The following CLEC4A variants were observed in gnomAD, a reference collection of about 807,000 sequenced individuals.
The protein encoded by CLEC4A is C-type lectin domain family 4 member A.
CLEC4A carries 27 observed loss-of-function variants against 32.7 expected under a neutral mutation model. That is an observed-to-expected ratio of 0.83 (90% CI 0.61 to 1.14). CLEC4A has a LOEUF of 1.14. Among genes scored for constraint, CLEC4A ranks in the 50% most tolerant of loss-of-function variants. CLEC4A has a pLI of 0.00. For missense variants in CLEC4A, 253 were observed against 274.6 expected (o/e 0.92, Z 0.55); for synonymous variants, 89 against 93.7 (o/e 0.95, Z 0.29).
chr12:8,112,962 A>T, the CLEC4A span, among the ~76,000 whole-genome samples: 1 of 151,378 alleles, frequency 6.6e-6, no homozygotes, highest in Non-Finnish European at 1.5e-5. Flanking sequence ...TCCATTGTCC[A>T]TTTTTTTTTA....
intron 3 of CLEC4A, among the ~76,000 whole-genome samples, chr12:8,129,771 G>A (rs1352937495): frequency 2.0e-5 from 3 of 152,130 alleles, no homozygotes; most frequent in Admixed American, 6.5e-5. Context: ...ACCTGGCGAC[G>A]GAGCAAGATT....
At chr12:8,127,251 G>A (rs756070240) in intron 2 of CLEC4A, among the ~76,000 whole-genome samples, 1 of 152,284 alleles carries the variant, frequency 6.6e-6, no homozygotes, top group East Asian at 1.9e-4. Flanking sequence ...ATTCATCAGG[G>A]TAGCCTGGGT....
At chr12:8,107,009 T>A in the CLEC4A span, among the ~76,000 whole-genome samples, 1,254 of 152,314 alleles carry the variant, frequency 8.2e-3, 15 homozygotes, top group African/African-American at 0.029. Context: ...TGGCTGTGGG[T>A]CTGTCATAGA....
chr12:8,112,211 G>A, the CLEC4A span, among the ~76,000 whole-genome samples: 1 of 151,922 alleles, frequency 6.6e-6, no homozygotes, highest in Non-Finnish European at 1.5e-5. Flanking sequence ...CAGGTGATCC[G>A]CCCAGCTTGG....
At chr12:8,120,254 A>G (rs1224586447), upstream of CLEC4A, among the ~76,000 whole-genome samples, 1 of 152,210 alleles carries the variant, frequency 6.6e-6, no homozygotes, top group Admixed American at 6.5e-5. Flanking sequence ...AACATGGCTC[A>G]GGGCTTCAAT....
At chr12:8,131,831 T>TATATATATATATAG in intron 3 of CLEC4A, among the ~76,000 whole-genome samples, 1 of 150,584 alleles carries the variant, frequency 6.6e-6, no homozygotes. Context: ...TATCTATATA[T>TATATATATATATAG]ATATATATCT....
At chr12:8,132,878 T>A (rs1459417606) in intron 3 of CLEC4A, among the ~76,000 whole-genome samples, 1 of 152,128 alleles carries the variant, frequency 6.6e-6, no homozygotes, top group Non-Finnish European at 1.5e-5. Flanking sequence ...TCTAGTTTTT[T>A]TGTTTCTTTG....
chr12:8,114,641 C>T, the CLEC4A span, among the ~76,000 whole-genome samples: 5 of 152,184 alleles, frequency 3.3e-5, no homozygotes, highest in Admixed American at 2.6e-4. Context: ...AGAGGTATTA[C>T]TGCTGAACTC....
At chr12:8,104,167 ATTT>A in the CLEC4A span, among the ~76,000 whole-genome samples, 7 of 145,914 alleles carry the variant, frequency 4.8e-5, no homozygotes, top group Admixed American at 1.4e-4. Context: ...AGAAAATCTC[ATTT>A]TTTTTTTTTT....
At chr12:8,129,563 C>G (rs923610303) in intron 3 of CLEC4A, among the ~76,000 whole-genome samples, 1 of 152,150 alleles carries the variant, frequency 6.6e-6, no homozygotes, top group East Asian at 1.9e-4. Flanking sequence ...GAGGCTGAGG[C>G]GTGTGGATCA....
the CLEC4A span, among the ~76,000 whole-genome samples, chr12:8,116,102 A>G: frequency 6.6e-6 from 1 of 152,184 alleles, no homozygotes; most frequent in South Asian, 2.1e-4. Flanking sequence ...CTGGGATTAC[A>G]GGTGTGCACC....
chr12:8,135,714 T>A lies in CLEC4A; in HGVS notation c.428T>A (p.Val143Glu). 1 of 1,614,128 alleles carries A rather than the reference T, an allele frequency of 6.2e-7. No individual in the cohort carries two copies. Reference protein sequence around the residue: ...DCARMEAHLLVINTQEEQDFI... With the variant: ...DCARMEAHLLEINTQEEQDFI... ...GCTAGAATGGAGGCTCACCTGCTGG[T>A]GATAAACACTCAAGAAGAGCAGGTA... The change falls in exon 4 of 6, where the codon GTG (valine) becomes GAG (glutamate). Residue 143 changes from valine to glutamate, a missense_variant. Physicochemically the swap from Val to Glu is moderately radical, Grantham distance 121. Coordinates refer to ENST00000229332, the MANE Select transcript of CLEC4A (RefSeq NM_016184.4).
chr12:8,113,907 C>T, the CLEC4A span, among the ~76,000 whole-genome samples: 2 of 152,158 alleles, frequency 1.3e-5, no homozygotes, highest in Non-Finnish European at 2.9e-5. Context: ...ACAATTTATC[C>T]ACTAGCTTCC....
chr12:8,119,422 C>T (rs1947813757), upstream of CLEC4A, among the ~76,000 whole-genome samples: 1 of 152,278 alleles, frequency 6.6e-6, no homozygotes, highest in East Asian at 1.9e-4. Flanking sequence ...TGGGGTTTCA[C>T]CATGTTGGTC....
the CLEC4A span, among the ~76,000 whole-genome samples, chr12:8,116,252 G>A: frequency 1.3e-5 from 2 of 152,024 alleles, no homozygotes; most frequent in East Asian, 1.9e-4. Context: ...GTGAGCCACC[G>A]CACCCGGTCT....
At chr12:8,117,640 G>C in the CLEC4A span, among the ~76,000 whole-genome samples, 1 of 152,132 alleles carries the variant, frequency 6.6e-6, no homozygotes, top group Non-Finnish European at 1.5e-5. Context: ...GGACTACCAA[G>C]TCCCATCTGT....
chr12:8,107,392 C>G, the CLEC4A span, among the ~76,000 whole-genome samples: 1 of 152,146 alleles, frequency 6.6e-6, no homozygotes, highest in East Asian at 1.9e-4. Context: ...TTCAGAGAAT[C>G]AGTTAGCGAT....
At chr12:8,134,985 TGTTTTTTTTTA>T in intron 3 of CLEC4A, 2 of 289,014 alleles carry the variant, frequency 6.9e-6, no homozygotes, top group Non-Finnish European at 5.3e-6. Context: ...TTTTGTTTTT[TGTTTTTTTTTA>T]ATCATGGCTG....
chr12:8,104,441 G>C, the CLEC4A span, among the ~76,000 whole-genome samples: 1 of 152,134 alleles, frequency 6.6e-6, no homozygotes, highest in Non-Finnish European at 1.5e-5. Flanking sequence ...GGGTGCTTCT[G>C]TGCATACGAA....
Sources: allele counts gnomAD v4.1 joint callset (sites outside exome capture counted in the v4.1 genomes callset), GRCh38; gene constraint gnomAD v4.1.1; transcripts MANE v1.5; gene names NCBI Gene and HGNC (gene_info 2026-07-23, HGNC 2026-07-21).